C6orf89: variants seen among roughly 807,000 people sequenced by gnomAD.
The protein encoded by C6orf89 is bombesin receptor-activated protein C6orf89.
Under a neutral mutation model 40.7 loss-of-function variants are expected in C6orf89, and 29 were observed. The ratio of observed to expected loss-of-function variants is 0.71; its 90% CI spans 0.53 to 0.97. The LOEUF (loss-of-function observed/expected upper bound fraction) is 0.97, where lower values mean the gene tolerates loss of function less well. C6orf89 is among the 50% of genes least tolerant of loss of function. The pLI is 0.00. For missense variants in C6orf89, 392 were observed against 429.1 expected, an observed-to-expected ratio of 0.91 and a Z score of 0.76; for synonymous variants, 165 against 152.2, an observed-to-expected ratio of 1.08 and a Z score of -0.62.
intron 3 of C6orf89, among the ~76,000 whole-genome samples, chr6:36,900,071 G>T (rs1040899115): frequency 1.1e-4 from 17 of 151,916 alleles, no homozygotes; most frequent in Non-Finnish European, 2.2e-4. Flanking sequence ...ATTTTTAGTA[G>T]AGACAGGTTT....
chr6:36,916,765 G>A (rs760332988), intron 7 of C6orf89, among the ~76,000 whole-genome samples, 191 bp downstream of exon 7: 1 of 152,142 alleles, frequency 6.6e-6, no homozygotes, highest in African/African-American at 2.4e-5. Context: ...TGTCATGAAG[G>A]CAGGTTTCCA....
At chr6:36,922,349 AAAG>A (rs561152896) in intron 8 of C6orf89, among the ~76,000 whole-genome samples, 2 of 145,648 alleles carry the variant, frequency 1.4e-5, no homozygotes, top group Non-Finnish European at 2.9e-5. Context: ...TCAAAAAAAA[AAAG>A]AAAGAAAAAA....
Position 36,895,886 on chromosome 6 carries a change from A to G in C6orf89, c.-20+1283A>G, listed in dbSNP as rs148196839. Among the ~76,000 whole-genome samples the G allele has an allele frequency of 1.4e-4, 21 of 152,346 alleles. No homozygotes were observed. The East Asian group carries it at 4.0e-3, about 29-fold the overall frequency. On this transcript the variant is annotated intron_variant, in intron 2 of 8. Transcript: ENST00000480824. Reference sequence around the variant, plus strand: ...TACCTAGAAGTAGAATTGCTGGGTCATATGGTAACTGTGTTTAACTCTTTG... The same window carrying G: ...TACCTAGAAGTAGAATTGCTGGGTCGTATGGTAACTGTGTTTAACTCTTTG...
intron 1 of C6orf89, among the ~76,000 whole-genome samples, chr6:36,890,197 A>G (rs577136874): frequency 7.2e-5 from 11 of 152,334 alleles, no homozygotes; most frequent in African/African-American, 2.4e-4. Context: ...TTAAATATAC[A>G]ATACAGTATT....
At chr6:36,908,952 C>T (rs1762023824) in intron 4 of C6orf89, among the ~76,000 whole-genome samples, 1 of 152,162 alleles carries the variant, frequency 6.6e-6, no homozygotes, top group Admixed American at 6.5e-5. Context: ...CTGTCTTCTT[C>T]TAAGGACATC....
At chr6:36,903,669 C>A (rs1047645441) in intron 4 of C6orf89, among the ~76,000 whole-genome samples, 1 of 152,036 alleles carries the variant, frequency 6.6e-6, no homozygotes, top group East Asian at 1.9e-4. Flanking sequence ...CCGTGTTAGC[C>A]AGGATGGTCT....
At position 36,916,443 on chromosome 6, in the gene C6orf89, A is replaced by G. The variant is rs1222041844; in HGVS notation, c.696-2A>G. The G allele has an allele frequency of 6.2e-7, 1 of 1,613,904 alleles. No homozygotes were observed. Among genetic ancestry groups the G allele is most frequent in the East Asian group, 2.2e-5 (1 of 44,890 alleles). On this transcript the variant is annotated splice_acceptor_variant, in intron 6 of 8. Coordinates refer to ENST00000480824, the MANE Select transcript of C6orf89 (RefSeq NM_001286635.2). LOFTEE classifies it high-confidence loss of function. ...CTTTTTTTCTGTTTCATACTTCTAC[A>G]GGAGGAGACCTCTGAACAGATCACA...
chr6:36,893,632 G>A (rs1761307512), intron 1 of C6orf89, among the ~76,000 whole-genome samples: 2 of 152,086 alleles, frequency 1.3e-5, no homozygotes, highest in Admixed American at 6.6e-5. Context: ...ATTTTTATGT[G>A]TATCAAAAAG....
intron 4 of C6orf89, among the ~76,000 whole-genome samples, chr6:36,911,727 G>A (rs145128350): frequency 3.9e-5 from 6 of 152,080 alleles, no homozygotes; most frequent in East Asian, 1.9e-4. Flanking sequence ...TGCAGATGAC[G>A]TTCCCTAGAT....
At chr6:36,892,464 C>T (rs1347091930) in intron 1 of C6orf89, among the ~76,000 whole-genome samples, 1 of 152,186 alleles carries the variant, frequency 6.6e-6, no homozygotes, top group South Asian at 2.1e-4. Context: ...GCCTCAGCCT[C>T]CCGAGTAGCT....
chr6:36,910,634 G>A (rs1762091800), intron 4 of C6orf89, among the ~76,000 whole-genome samples: 1 of 151,952 alleles, frequency 6.6e-6, no homozygotes, highest in Admixed American at 6.6e-5. Flanking sequence ...AGGCTGAGGT[G>A]GGAGGATGAC....
chr6:36,885,649 A>G (rs9470429), upstream of C6orf89, among the ~76,000 whole-genome samples: 18,717 of 152,130 alleles, frequency 0.12, 1,284 homozygotes, highest in East Asian at 0.27. Context: ...TGCCTGGCAC[A>G]TAGTAGGGGA....
chr6:36,896,973 C>T (rs1266138670), intron 2 of C6orf89, among the ~76,000 whole-genome samples: 1 of 150,972 alleles, frequency 6.6e-6, no homozygotes, highest in Admixed American at 6.6e-5. Flanking sequence ...ACTAAAAATC[C>T]AAAAAAATTT....
At chr6:36,880,082 G>A (rs1317629941) in intron 2 of C6orf89, among the ~76,000 whole-genome samples, 1 of 152,114 alleles carries the variant, frequency 6.6e-6, no homozygotes, top group African/African-American at 2.4e-5. Context: ...CTCCTCCACA[G>A]ACTATCTTAA....
chr6:36,888,723 G>C (rs1053613109), intron 1 of C6orf89, among the ~76,000 whole-genome samples: 9 of 152,124 alleles, frequency 5.9e-5, no homozygotes, highest in Admixed American at 3.3e-4. Flanking sequence ...TCTTTGTGAT[G>C]GTCCATAGGA....
intron 3 of C6orf89, among the ~76,000 whole-genome samples, chr6:36,900,851 T>G (rs888598334): frequency 4.7e-5 from 7 of 148,256 alleles, no homozygotes; most frequent in African/African-American, 1.0e-4. Context: ...ATGTATGTAT[T>G]TATTTATTTT....
At chr6:36,905,694 C>T (rs1397572348) in intron 4 of C6orf89, among the ~76,000 whole-genome samples, 1 of 152,180 alleles carries the variant, frequency 6.6e-6, no homozygotes, top group Non-Finnish European at 1.5e-5. Flanking sequence ...GCTTTTCTCC[C>T]CTCCTGGCTT....
intron 2 of C6orf89, among the ~76,000 whole-genome samples, chr6:36,895,813 G>A (rs1398767168): frequency 6.6e-6 from 1 of 152,168 alleles, no homozygotes; most frequent in Non-Finnish European, 1.5e-5. Context: ...GTTCACATTT[G>A]TGCACAAGTT....
intron 1 of C6orf89, among the ~76,000 whole-genome samples, chr6:36,886,574 G>T (rs1010729758): frequency 1.3e-5 from 2 of 152,172 alleles, no homozygotes; most frequent in Non-Finnish European, 2.9e-5. Flanking sequence ...AAGGAAATTT[G>T]CCTGCGTCGT....
Sources: allele counts gnomAD v4.1 joint callset (sites outside exome capture counted in the v4.1 genomes callset), GRCh38; gene constraint gnomAD v4.1.1; transcripts MANE v1.5; gene names NCBI Gene and HGNC (gene_info 2026-07-23, HGNC 2026-07-21).